Variants in TRIM5 observed in about 807,000 individuals in gnomAD.
TRIM5 encodes tripartite motif-containing protein 5.
Under a neutral mutation model 35.6 loss-of-function variants are expected in TRIM5, and 31 were observed. The observed-to-expected ratio is 0.87, with a 90% CI of 0.65 to 1.18. The LOEUF (loss-of-function observed/expected upper bound fraction) is 1.18. TRIM5 is among the 50% of genes most tolerant of loss of function. The probability of loss-of-function intolerance (pLI) is 0.00; values close to 1 mark genes in which losing one functional copy is unlikely to be tolerated. For synonymous variants in TRIM5, 243 were observed against 215.6 expected (o/e 1.13, Z -1.11); for missense variants, 609 against 591.6 (o/e 1.03, Z -0.31).
At chr11:5,642,570 T>C in the TRIM5 span, 1 of 1,562,564 alleles carries the variant, frequency 6.4e-7, no homozygotes, top group Non-Finnish European at 8.7e-7. Context: ...ATAAACTGTC[T>C]AGGTGGGATA....
chr11:5,607,733 A>G, the TRIM5 span, among the ~76,000 whole-genome samples: 1 of 152,188 alleles, frequency 6.6e-6, no homozygotes, highest in African/African-American at 2.4e-5. Context: ...AGTGGTTGCT[A>G]GTGTGATTCA....
At chr11:5,657,411 T>A in the TRIM5 span, among the ~76,000 whole-genome samples, 2 of 149,438 alleles carry the variant, frequency 1.3e-5, no homozygotes, top group African/African-American at 4.9e-5. Context: ...TATACCTGTG[T>A]AACAAACCTG....
the TRIM5 span, among the ~76,000 whole-genome samples, chr11:5,649,631 A>G: frequency 1.3e-5 from 2 of 152,184 alleles, no homozygotes; most frequent in African/African-American, 4.8e-5. Context: ...TAGTTCAATG[A>G]AATCATTGTC....
At chr11:5,643,600 G>A in the TRIM5 span, 2 of 1,613,926 alleles carry the variant, frequency 1.2e-6, no homozygotes, top group Admixed American at 3.3e-5. Context: ...ACAAGCCATG[G>A]CTCCCTCATT....
the TRIM5 span, among the ~76,000 whole-genome samples, chr11:5,627,719 T>C: frequency 6.6e-6 from 1 of 152,100 alleles, no homozygotes; most frequent in South Asian, 2.1e-4. Flanking sequence ...GGGGAGGAGA[T>C]GCTACAATGT....
the TRIM5 span, among the ~76,000 whole-genome samples, chr11:5,654,913 G>A: frequency 5.4e-4 from 82 of 152,190 alleles, no homozygotes; most frequent in Non-Finnish European, 7.9e-4. Flanking sequence ...TTTTCTGGCC[G>A]GGCACGGTAG....
At chr11:5,623,018 G>T in the TRIM5 span, among the ~76,000 whole-genome samples, 1 of 151,926 alleles carries the variant, frequency 6.6e-6, no homozygotes, top group African/African-American at 2.4e-5. Flanking sequence ...AGACAAACAG[G>T]TTGCATTAAG....
At chr11:5,615,984 G>A in the TRIM5 span, among the ~76,000 whole-genome samples, 1 of 147,802 alleles carries the variant, frequency 6.8e-6, no homozygotes, top group African/African-American at 2.5e-5. Context: ...CCAGGCTGGA[G>A]TGACATGGCG....
At chr11:5,611,478 G>A in the TRIM5 span, 1 of 807,538 alleles carries the variant, frequency 1.2e-6, no homozygotes, top group Admixed American at 2.6e-5. Flanking sequence ...TTTTGAGATG[G>A]AATCTCGCTC....
chr11:5,625,392 C>T, the TRIM5 span, among the ~76,000 whole-genome samples: 1 of 152,168 alleles, frequency 6.6e-6, no homozygotes, highest in Non-Finnish European at 1.5e-5. Flanking sequence ...CTCTCTCTTT[C>T]TCTCTCTCAA....
At chr11:5,678,677 T>G (rs1216050627) in intron 3 of TRIM5, among the ~76,000 whole-genome samples, 1 of 152,194 alleles carries the variant, frequency 6.6e-6, no homozygotes, top group Non-Finnish European at 1.5e-5. Flanking sequence ...TAGCTTACCT[T>G]TCACACAGCT....
chr11:5,604,827 T>C, the TRIM5 span: 2 of 544,536 alleles, frequency 3.7e-6, no homozygotes, highest in Admixed American at 7.0e-5. Flanking sequence ...AAACTGAACC[T>C]AGGAGACAAT....
the TRIM5 span, among the ~76,000 whole-genome samples, chr11:5,656,764 C>T: frequency 6.6e-6 from 1 of 152,078 alleles, no homozygotes; most frequent in African/African-American, 2.4e-5. Flanking sequence ...CAATGAGATA[C>T]CATCTCACTC....
chr11:5,678,178 T>C (rs1438461149), intron 4 of TRIM5, 26 bp downstream of exon 4: 1 of 1,570,940 alleles, frequency 6.4e-7, no homozygotes, highest in South Asian at 1.1e-5. Context: ...TTAATCTCAG[T>C]GCTCAGGCTT....
chr11:5,633,742 G>A, the TRIM5 span: 3 of 1,489,748 alleles, frequency 2.0e-6, no homozygotes, highest in Non-Finnish European at 2.7e-6. Flanking sequence ...TTCCCTGTTT[G>A]TCCTCTATCC....
the TRIM5 span, among the ~76,000 whole-genome samples, chr11:5,633,014 A>AT: frequency 1.8e-5 from 1 of 56,574 alleles, no homozygotes; most frequent in Non-Finnish European, 3.7e-5. Flanking sequence ...TTTTTTTTGG[A>AT]TTTTTAGTAG....
chr11:5,619,587 T>C, the TRIM5 span, among the ~76,000 whole-genome samples: 1 of 150,372 alleles, frequency 6.7e-6, no homozygotes, highest in Non-Finnish European at 1.5e-5. Context: ...TGCTAGGAGT[T>C]TCTCTCTCTC....
At chr11:5,639,251 G>A in the TRIM5 span, among the ~76,000 whole-genome samples, 6,137 of 152,170 alleles carry the variant, frequency 0.04, 394 homozygotes, top group African/African-American at 0.14. Context: ...TTATAGTAAA[G>A]GGTTAAGGGA....
In TRIM5 at chr11:5,665,664, C is replaced by A; in HGVS notation, c.887G>T (p.Arg296Leu). ...ATGTGACTTCTCCTTACCCCAGTAG[C>A]GTCGGACATCTGTCAGCTCTGAAAT... ...EVFRELTDVR[R>L]YWVDVTVAPN... The change falls in exon 7 of 8, where the codon CGC (arginine) becomes CTC (leucine). Residue 296 changes from arginine to leucine, a missense_variant. By Grantham distance (102) the Arg-to-Leu change is moderately radical. Coordinates refer to ENST00000380034, the MANE Select transcript of TRIM5 (RefSeq NM_033034.3). The A allele has an allele frequency of 6.5e-7, 1 of 1,530,616 alleles. No homozygotes were observed. Among genetic ancestry groups the A allele is most frequent in the Non-Finnish European group, 8.7e-7 (1 of 1,148,314 alleles). The allele number at this position is 1,530,616 out of a possible 1,614,324, so 94.8% of individuals were successfully genotyped here. A position where few individuals can be genotyped will look rare whatever the true frequency, so the allele number is the denominator to read the frequency against.
Sources: allele counts gnomAD v4.1 joint callset (sites outside exome capture counted in the v4.1 genomes callset), GRCh38; gene constraint gnomAD v4.1.1; transcripts MANE v1.5; gene names NCBI Gene and HGNC (gene_info 2026-07-23, HGNC 2026-07-21).